Variants in MARCHF1 observed in about 807,000 individuals in gnomAD.
The protein encoded by MARCHF1 is membrane associated ring-CH-type finger 1.
Under a neutral mutation model 54.2 loss-of-function variants are expected in MARCHF1, and 40 were observed. That is an observed-to-expected ratio of 0.74 (90% CI 0.57 to 0.96). The LOEUF is 0.96. Ranked by LOEUF, MARCHF1 falls within the 40% of genes least tolerant of loss-of-function variation. The probability of loss-of-function intolerance (pLI) is 0.00; values close to 1 mark genes in which losing one functional copy is unlikely to be tolerated. For missense variants in MARCHF1, 586 were observed against 656.5 expected, an observed-to-expected ratio of 0.89 and a Z score of 1.17; for synonymous variants, 236 against 236.3, an observed-to-expected ratio of 1.00 and a Z score of 0.01.
At chr4:164,030,539 C>T (rs1651892255) in intron 2 of MARCHF1, among the ~76,000 whole-genome samples, 1 of 152,114 alleles carries the variant, frequency 6.6e-6, no homozygotes, top group Non-Finnish European at 1.5e-5. Context: ...ACAAAAGATT[C>T]ACTGTAACCA....
At chr4:164,054,903 A>G (rs1384337914) in intron 2 of MARCHF1, among the ~76,000 whole-genome samples, 2 of 151,942 alleles carry the variant, frequency 1.3e-5, no homozygotes, top group African/African-American at 2.4e-5. Context: ...CAATGTGCAC[A>G]TGTACCCTAA....
rs1000118286 is a variant in MARCHF1 at position 164,030,880 on chromosome 4, C to A, written c.-247-42171G>T. On this transcript the variant is annotated intron_variant, in intron 2 of 9. Coordinates refer to ENST00000514618, the MANE Select transcript of MARCHF1 (RefSeq NM_001394959.1). ...CAGGAGTTCATGATTTGGCTCTCTG[C>A]TTGTCTATTGTTGGTGTATAGGAAT... 3.3e-5 allele frequency among the ~76,000 whole-genome samples: 5 copies of A among 152,130 alleles called. No homozygotes were observed. The East Asian group carries it at 9.7e-4, about 30-fold the overall frequency.
At chr4:163,838,697 T>C (rs1223186599) in intron 4 of MARCHF1, among the ~76,000 whole-genome samples, 1 of 152,112 alleles carries the variant, frequency 6.6e-6, no homozygotes, top group Non-Finnish European at 1.5e-5. Flanking sequence ...GATAACTGTA[T>C]TCATGAAAAA....
At chr4:163,980,834 A>C (rs1323260561) in intron 3 of MARCHF1, among the ~76,000 whole-genome samples, 1 of 152,264 alleles carries the variant, frequency 6.6e-6, no homozygotes, top group Non-Finnish European at 1.5e-5. Flanking sequence ...CAAATTTCTA[A>C]CATTTATAAG....
intron 3 of MARCHF1, among the ~76,000 whole-genome samples, chr4:163,892,001 C>T (rs1198213790): frequency 6.6e-6 from 1 of 152,018 alleles, no homozygotes; most frequent in African/African-American, 2.4e-5. Flanking sequence ...ATAGATTCAA[C>T]AGATTTTTTT....
At chr4:164,311,310 C>T (rs182915950) in intron 1 of MARCHF1, among the ~76,000 whole-genome samples, 3 of 152,208 alleles carry the variant, frequency 2.0e-5, no homozygotes, top group Admixed American at 2.0e-4. Context: ...AACTATGAAG[C>T]TCAGTTACAG....
At chr4:164,225,311 A>G (rs183228607) in intron 1 of MARCHF1, among the ~76,000 whole-genome samples, 1 of 152,202 alleles carries the variant, frequency 6.6e-6, no homozygotes, top group African/African-American at 2.4e-5. Context: ...AAAACTTTAT[A>G]CAATAAAATG....
At chr4:164,338,224 G>C (rs192981472) in intron 1 of MARCHF1, among the ~76,000 whole-genome samples, 1 of 151,472 alleles carries the variant, frequency 6.6e-6, no homozygotes, top group East Asian at 1.9e-4. Flanking sequence ...TAATGATAAA[G>C]TATTTTACAA....
At chr4:164,168,887 C>T (rs1730450984) in intron 1 of MARCHF1, among the ~76,000 whole-genome samples, 1 of 151,942 alleles carries the variant, frequency 6.6e-6, no homozygotes, top group Non-Finnish European at 1.5e-5. Flanking sequence ...GTACAAAGAA[C>T]TTAAATACAA....
At chr4:163,838,218 G>C (rs1322695854) in intron 4 of MARCHF1, among the ~76,000 whole-genome samples, 2 of 152,074 alleles carry the variant, frequency 1.3e-5, no homozygotes, top group East Asian at 1.9e-4. Context: ...TGGATGGTCA[G>C]GTTCCTGATG....
chr4:163,658,551 TATGTAACCA>T (rs1385674937), intron 5 of MARCHF1, among the ~76,000 whole-genome samples: 1 of 151,900 alleles, frequency 6.6e-6, no homozygotes, highest in Non-Finnish European at 1.5e-5. Flanking sequence ...CATTACTGGG[TATGTAACCA>T]AAGGAATATA....
At chr4:164,005,388 C>T (rs1753265807) in intron 2 of MARCHF1, among the ~76,000 whole-genome samples, 1 of 151,992 alleles carries the variant, frequency 6.6e-6, no homozygotes, top group Non-Finnish European at 1.5e-5. Flanking sequence ...CTCCCCTTGC[C>T]AAAACAAAAA....
chr4:163,940,987 G>A (rs192242643), intron 3 of MARCHF1, among the ~76,000 whole-genome samples: 21 of 152,134 alleles, frequency 1.4e-4, no homozygotes, highest in African/African-American at 5.1e-4. Context: ...GAGACATAGA[G>A]GTATAAGGTA....
chr4:163,791,422 C>T lies in MARCHF1; in HGVS notation c.111+62599G>A, dbSNP rs560736621. Among the ~76,000 whole-genome samples, 7 of 152,234 alleles carry T rather than the reference C, an allele frequency of 4.6e-5. No individual in the cohort carries two copies. The South Asian group carries it at 1.0e-3, about 23-fold the overall frequency. On this transcript the variant is annotated intron_variant, in intron 4 of 9. Coordinates refer to ENST00000514618, the MANE Select transcript of MARCHF1 (RefSeq NM_001394959.1). ...AGGTAATTATGTATGAGACTCATAA[C>T]ATTTTAGTAGTTTTGTGCTCTGCAT...
chr4:164,334,591 TGGAGATGTACAA>T (rs1729679359), intron 1 of MARCHF1, among the ~76,000 whole-genome samples: 1 of 152,098 alleles, frequency 6.6e-6, no homozygotes, highest in African/African-American at 2.4e-5. Context: ...AGAACTCTGA[TGGAGATGTACAA>T]GGAGATTGAT....
chr4:163,795,767 C>G (rs578144790), intron 4 of MARCHF1, among the ~76,000 whole-genome samples: 2 of 152,108 alleles, frequency 1.3e-5, no homozygotes, highest in Admixed American at 6.5e-5. Context: ...GGGGCACTGG[C>G]CCCCACATGT....
At chr4:164,325,892 C>A (rs60826305) in intron 1 of MARCHF1, among the ~76,000 whole-genome samples, 22,092 of 151,852 alleles carry the variant, frequency 0.15, 2,475 homozygotes, top group East Asian at 0.43. Context: ...AAAATAAAAA[C>A]GAAAATAAAT....
intron 5 of MARCHF1, among the ~76,000 whole-genome samples, chr4:163,614,293 A>G (rs1457558440): frequency 1.3e-5 from 2 of 152,114 alleles, no homozygotes; most frequent in Non-Finnish European, 2.9e-5. Context: ...CCATATATTC[A>G]TTAATGCTCA....
intron 1 of MARCHF1, among the ~76,000 whole-genome samples, chr4:164,185,810 A>ACACACACACACACACAC (rs1553990115): frequency 7.7e-5 from 5 of 64,814 alleles, no homozygotes; most frequent in African/African-American, 2.9e-4. Flanking sequence ...ACACACACAC[A>ACACACACACACACACAC]AAAAAAAAAA....
Sources: allele counts gnomAD v4.1 joint callset (sites outside exome capture counted in the v4.1 genomes callset), GRCh38; gene constraint gnomAD v4.1.1; transcripts MANE v1.5; gene names NCBI Gene and HGNC (gene_info 2026-07-23, HGNC 2026-07-21).